The following TMEM132D variants were observed in gnomAD, a reference collection of about 807,000 sequenced individuals.
TMEM132D encodes mature OL transmembrane protein.
Under a neutral mutation model 62.3 loss-of-function variants are expected in TMEM132D, and 21 were observed. That is an observed-to-expected ratio of 0.34 (90% CI 0.24 to 0.49). TMEM132D has a LOEUF of 0.49. Ranked by LOEUF, TMEM132D falls within the 20% of genes least tolerant of loss-of-function variation. TMEM132D has a pLI of 0.99. For missense variants in TMEM132D, 1,346 were observed against 1,402.8 expected (o/e 0.96, Z 0.65); for synonymous variants, 621 against 575.6 (o/e 1.08, Z -1.13).
At chr12:129,079,368 T>G (rs1874382392) in intron 7 of TMEM132D, among the ~76,000 whole-genome samples, 1 of 152,186 alleles carries the variant, frequency 6.6e-6, no homozygotes, top group Non-Finnish European at 1.5e-5. Flanking sequence ...CTACGCCTGA[T>G]GCCCACAACC....
chr12:129,468,817 CTTTTA>C (rs1164674953), intron 3 of TMEM132D, among the ~76,000 whole-genome samples: 1 of 152,166 alleles, frequency 6.6e-6, no homozygotes, highest in African/African-American at 2.4e-5. Context: ...GTGTTGGTGC[CTTTTA>C]TTTTGCTTCA....
At chr12:129,294,090 G>C (rs1313536572) in intron 4 of TMEM132D, among the ~76,000 whole-genome samples, 1 of 152,206 alleles carries the variant, frequency 6.6e-6, no homozygotes, top group Non-Finnish European at 1.5e-5. Context: ...TTTTGTGTTT[G>C]TGGCACAGGA....
intron 7 of TMEM132D, among the ~76,000 whole-genome samples, chr12:129,081,258 T>C (rs76053124): frequency 8.5e-4 from 130 of 152,372 alleles, no homozygotes; most frequent in African/African-American, 3.0e-3. Flanking sequence ...ATAAGTAATA[T>C]GTGAGGAATT....
chr12:129,664,981 T>C (rs989924166), intron 2 of TMEM132D, among the ~76,000 whole-genome samples: 1 of 152,148 alleles, frequency 6.6e-6, no homozygotes, highest in African/African-American at 2.4e-5. Context: ...TGGTTGAGGA[T>C]CAGGTGTAGA....
At chr12:129,151,836 A>G (rs1877081046) in intron 5 of TMEM132D, among the ~76,000 whole-genome samples, 1 of 150,496 alleles carries the variant, frequency 6.6e-6, no homozygotes, top group Non-Finnish European at 1.5e-5. Context: ...ACGAATCCAC[A>G]TGCCATTCAT....
intron 1 of TMEM132D, among the ~76,000 whole-genome samples, chr12:129,769,459 T>C (rs917509085): frequency 6.6e-6 from 1 of 152,102 alleles, no homozygotes; most frequent in African/African-American, 2.4e-5. Flanking sequence ...CTCCACCTGG[T>C]CCCTCTCATG....
chr12:129,811,032 C>G (rs1293856404), intron 1 of TMEM132D, among the ~76,000 whole-genome samples: 1 of 151,756 alleles, frequency 6.6e-6, no homozygotes, highest in Non-Finnish European at 1.5e-5. Flanking sequence ...TTATCTAAAA[C>G]CATAACCAGT....
At chr12:129,739,111 T>C (rs1300573957) in intron 1 of TMEM132D, among the ~76,000 whole-genome samples, 1 of 152,176 alleles carries the variant, frequency 6.6e-6, no homozygotes, top group Non-Finnish European at 1.5e-5. Flanking sequence ...GGAACAGGAC[T>C]GGCCTCTGCC....
intron 3 of TMEM132D, among the ~76,000 whole-genome samples, chr12:129,523,733 G>C (rs747201500): frequency 2.6e-5 from 4 of 152,204 alleles, no homozygotes; most frequent in Non-Finnish European, 5.9e-5. Flanking sequence ...CATTGCTACT[G>C]TATAATGAGA....
chr12:129,872,110 C>T (rs1874265087), intron 1 of TMEM132D, among the ~76,000 whole-genome samples: 1 of 152,228 alleles, frequency 6.6e-6, no homozygotes, highest in African/African-American at 2.4e-5. Flanking sequence ...CAACCTCAAT[C>T]ACAGACCAAT....
intron 6 of TMEM132D, among the ~76,000 whole-genome samples, chr12:129,082,922 G>A (rs1054035577): frequency 4.0e-5 from 6 of 151,888 alleles, no homozygotes; most frequent in Non-Finnish European, 5.9e-5. Context: ...TAGAGATGTG[G>A]TCTTGCTGTG....
chr12:129,669,221 A>G (rs1308949157), intron 2 of TMEM132D, among the ~76,000 whole-genome samples: 1 of 152,254 alleles, frequency 6.6e-6, no homozygotes, highest in Non-Finnish European at 1.5e-5. Context: ...GTAAACAAAT[A>G]TAAGTTTTAT....
At chr12:129,692,418 G>A (rs1881083893) in intron 2 of TMEM132D, among the ~76,000 whole-genome samples, 1 of 151,434 alleles carries the variant, frequency 6.6e-6, no homozygotes, top group African/African-American at 2.4e-5. Context: ...ATTTGCCTAA[G>A]TTCCTTGTAG....
chr12:129,347,954 A>G (rs983332784), intron 3 of TMEM132D, among the ~76,000 whole-genome samples: 5 of 152,230 alleles, frequency 3.3e-5, no homozygotes, highest in African/African-American at 9.6e-5. Context: ...ACATGAAAAA[A>G]ACCTCATCAT....
At chr12:129,414,215 G>A (rs1215541239) in intron 3 of TMEM132D, among the ~76,000 whole-genome samples, 1 of 152,098 alleles carries the variant, frequency 6.6e-6, no homozygotes, top group Non-Finnish European at 1.5e-5. Context: ...TTGTTTTTGT[G>A]ATCATTACCC....
At chr12:129,134,496 C>T (rs1876497312) in intron 5 of TMEM132D, among the ~76,000 whole-genome samples, 2 of 151,992 alleles carry the variant, frequency 1.3e-5, no homozygotes, top group African/African-American at 4.8e-5. Flanking sequence ...TCATTGACCT[C>T]GATGGGGGTG....
Position 129,836,515 on chromosome 12 carries a change from T to TGTGC in TMEM132D, c.79+66745_79+66746insGCAC, listed in dbSNP as rs377254098. On this transcript the variant is annotated intron_variant, in intron 1 of 8. Transcript: ENST00000422113. ...TGCAGAGTGTGTGTGTGTGTGTGTGTGCGCGCGTGTGTGTGTGTACCCCGA... is the reference window on the plus strand; with the variant it reads ...TGCAGAGTGTGTGTGTGTGTGTGTGTGTGCGCGCGCGTGTGTGTGTGTACCCCGA... 1.9e-4 allele frequency among the ~76,000 whole-genome samples: 29 copies of TGTGC among 151,158 alleles called. No homozygotes were observed. The East Asian group carries it at 4.1e-3, about 21-fold the overall frequency.
At chr12:129,167,051 T>A (rs11060175) in intron 5 of TMEM132D, among the ~76,000 whole-genome samples, 11 of 151,178 alleles carry the variant, frequency 7.3e-5, no homozygotes, top group African/African-American at 2.7e-4. Flanking sequence ...GCCCAGATAC[T>A]TTGGAGGCTG....
At chr12:129,205,099 TA>T in intron 5 of TMEM132D, among the ~76,000 whole-genome samples, 1 of 152,250 alleles carries the variant, frequency 6.6e-6, no homozygotes, top group East Asian at 1.9e-4. Flanking sequence ...AGTGACATTA[TA>T]AAGCAACAAC....
Sources: gnomAD v4.1 joint callset for allele counts (sites outside exome capture counted in the v4.1 genomes callset) on GRCh38, gnomAD v4.1.1 for gene constraint, MANE v1.5 for transcripts, NCBI Gene and HGNC (gene_info 2026-07-23, HGNC 2026-07-21) for gene names.